The following PSMA2 variants were observed in gnomAD, a reference collection of about 807,000 sequenced individuals.
PSMA2 encodes proteasome subunit alpha type-2.
PSMA2 carries 2 observed loss-of-function variants against 35.9 expected under a neutral mutation model. The ratio of observed to expected loss-of-function variants is 0.06; its 90% CI spans 0.02 to 0.18. The LOEUF (loss-of-function observed/expected upper bound fraction) is 0.18, where lower values mean the gene tolerates loss of function less well. Ranked by LOEUF, PSMA2 falls within the 10% of genes least tolerant of loss-of-function variation. The pLI is 1.00. For synonymous variants in PSMA2, 97 were observed against 98.2 expected, an observed-to-expected ratio of 0.99 and a Z score of 0.07; for missense variants, 126 against 278.8, an observed-to-expected ratio of 0.45 and a Z score of 3.90.
At position 42,917,534 on chromosome 7, in the gene PSMA2, T is replaced by C. The variant is rs757460843; in HGVS notation, c.*40A>G. On this transcript the variant is annotated 3_prime_UTR_variant, in exon 8 of 8. Transcript: ENST00000223321. ...CATACTTTAAACATGTTTAAGTAGA[T>C]AGATTATCTGAAATTCTGGATTTTT... The C allele has an allele frequency of 1.5e-5, 21 of 1,447,374 alleles. No individual in the cohort carries two copies. Among genetic ancestry groups the C allele is most frequent in the African/African-American group, 1.1e-4 (8 of 71,414 alleles). The allele number at this position is 1,447,374 out of a possible 1,614,324, so 89.7% of individuals were successfully genotyped here.
At position 42,931,875 on chromosome 7, in the gene PSMA2, T is replaced by C. The variant is rs539665932; in HGVS notation, c.41+243A>G. 1.4e-4 allele frequency among the ~76,000 whole-genome samples: 20 copies of C among 143,012 alleles called. No individual in the cohort carries two copies. The South Asian group carries it at 4.8e-3, about 34-fold the overall frequency. The allele number at this position is 143,012 out of a possible 152,430, so 93.8% of individuals were successfully genotyped here. A position where few individuals can be genotyped will look rare whatever the true frequency, so the allele number is the denominator to read the frequency against. ...GAATCCTTGGCTATGTGCCTCACCG[T>C]CCCGCAGCCCCATGTTAACCCCGCA... On this transcript the variant is annotated intron_variant, in intron 1 of 7. Coordinates refer to ENST00000223321, the MANE Select transcript of PSMA2 (RefSeq NM_002787.5).
rs544008957 is a variant in PSMA2, at chr7:42,931,959, G to C, written c.41+159C>G. ...GACCAAGGAAGCTCCAGGAATCCCG[G>C]GTCGGCCTGGCAAATGACTTTGCAA... On this transcript the variant is annotated intron_variant, in intron 1 of 7. Transcript: ENST00000223321. Among the ~76,000 whole-genome samples, 14 of 152,222 alleles carry C rather than the reference G, an allele frequency of 9.2e-5. No individual in the cohort carries two copies. In the East Asian group the frequency reaches 2.5e-3, roughly 27 times the overall value.
intron 1 of PSMA2, among the ~76,000 whole-genome samples, chr7:42,927,694 TC>T (rs1303030409): frequency 6.6e-6 from 1 of 152,008 alleles, no homozygotes; most frequent in Non-Finnish European, 1.5e-5. Flanking sequence ...TCACCTGAGG[TC>T]AGGAGTTCGA....
At chr7:42,928,179 G>A (rs986199161) in intron 1 of PSMA2, among the ~76,000 whole-genome samples, 1 of 152,152 alleles carries the variant, frequency 6.6e-6, no homozygotes, top group African/African-American at 2.4e-5. Flanking sequence ...ATTTGTGGGG[G>A]TACTGAAATC....
intron 4 of PSMA2, 48 bp from the exon 5 acceptor site, chr7:42,923,454 GT>G: frequency 6.9e-7 from 1 of 1,445,944 alleles, no homozygotes. Flanking sequence ...TGGTGTTAAA[GT>G]CATCCTCAAG....
At position 42,932,102 on chromosome 7, in the gene PSMA2, A is replaced by C; in HGVS notation, c.41+16T>G. The stretch of plus-strand genomic sequence containing the variant: ...AACCTCGACTACGCTGAAGACCTCG[A>C]GGGCCCCTTCCATACCTGAATGTAG... On this transcript the variant is annotated intron_variant, in intron 1 of 7. Transcript: ENST00000223321. 1 of 1,614,128 alleles carries C rather than the reference A, an allele frequency of 6.2e-7. No individual in the cohort carries two copies. Among genetic ancestry groups the C allele is most frequent in the South Asian group, 1.1e-5 (1 of 91,078 alleles).
chr7:42,920,023 G>C, intron 6 of PSMA2: 8 of 692,656 alleles, frequency 1.2e-5, no homozygotes, highest in South Asian at 9.9e-5. Flanking sequence ...GACAAGAGAA[G>C]AGCTAGAAGA....
chr7:42,924,773 T>C lies in PSMA2; in HGVS notation c.276A>G (p.Lys92=), dbSNP rs112816021. ...ACACAAGATAGTATTGTTGAGCTAGTTTTCGAGCTCTGTGCACAAGCACTC... is the reference window on the plus strand; with the variant it reads ...ACACAAGATAGTATTGTTGAGCTAGCTTTCGAGCTCTGTGCACAAGCACTC... ...DYRVLVHRAR[K]LAQQYYLVYQ... The change falls in exon 4 of 8, where the codon AAA becomes AAG. Residue 92 remains lysine, a synonymous_variant. Transcript: ENST00000223321. 16 of 1,612,356 alleles carry C rather than the reference T, an allele frequency of 9.9e-6. No individual in the cohort carries two copies. The African/African-American group carries it at 1.1e-4, about 11-fold the overall frequency.
At chr7:42,929,602 T>C (rs1017736599) in intron 1 of PSMA2, among the ~76,000 whole-genome samples, 1 of 151,786 alleles carries the variant, frequency 6.6e-6, no homozygotes, top group African/African-American at 2.4e-5. Flanking sequence ...GAAATAGCCT[T>C]CTAACTGGTT....
At position 42,917,696 on chromosome 7, in the gene PSMA2, G is replaced by T; in HGVS notation, c.589-6C>A. The T allele has an allele frequency of 6.2e-7, 1 of 1,612,798 alleles. No homozygotes were observed. Among genetic ancestry groups the T allele is most frequent in the Non-Finnish European group, 8.5e-7 (1 of 1,179,136 alleles). On this transcript the variant is annotated splice_region_variant and splice_polypyrimidine_tract_variant and intron_variant, in intron 7 of 7. Coordinates refer to ENST00000223321, the MANE Select transcript of PSMA2 (RefSeq NM_002787.5). ...ATTTGCCCTTCAAAGCTTTCCTATT[G>T]AGGAGGGAGGAAAAAAGGTCAATTT...
intron 6 of PSMA2, chr7:42,920,576 A>G (rs949920616): frequency 1.3e-5 from 2 of 152,252 alleles, no homozygotes; most frequent in African/African-American, 4.8e-5. Flanking sequence ...TTAGTTGTCT[A>G]AATAAAATGC....
Position 42,917,487 on chromosome 7 carries a change from G to T in PSMA2, c.*87C>A. 2 of 987,920 alleles carry T rather than the reference G, an allele frequency of 2.0e-6. No homozygotes were observed. Among genetic ancestry groups the T allele is most frequent in the Non-Finnish European group, 3.1e-6 (2 of 638,154 alleles). 61.2% of individuals were successfully genotyped at this position (987,920 alleles called of 1,614,324 possible). A position where few individuals can be genotyped will look rare whatever the true frequency, so the allele number is the denominator to read the frequency against. On this transcript the variant is annotated 3_prime_UTR_variant, in exon 8 of 8. Transcript: ENST00000223321. ...ATTTAAACCATGTAGAAATAAGTAT[G>T]CAAAAAGTCTGCAAAACAAAACATA...
At chr7:42,918,909 C>T (rs997429856) in intron 6 of PSMA2, 9 of 183,242 alleles carry the variant, frequency 4.9e-5, no homozygotes, top group African/African-American at 1.9e-4. Context: ...CTGCAAACTC[C>T]GCCTCCCAGG....
At chr7:42,926,861 T>G (rs1434085937) in intron 2 of PSMA2, among the ~76,000 whole-genome samples, 193 bp from the exon 3 acceptor site, 1 of 152,220 alleles carries the variant, frequency 6.6e-6, no homozygotes, top group Non-Finnish European at 1.5e-5. Context: ...CATTTAGTAC[T>G]ACACAAAAAA....
intron 3 of PSMA2, 124 bp downstream of exon 3, chr7:42,926,412 A>G (rs1434944010): frequency 1.6e-6 from 2 of 1,224,224 alleles, no homozygotes; most frequent in African/African-American, 1.6e-5. Context: ...CTATTGCTAA[A>G]CAAAGCACAC....
intron 5 of PSMA2, among the ~76,000 whole-genome samples, chr7:42,922,174 G>A (rs914700006): frequency 4.6e-5 from 7 of 152,008 alleles, no homozygotes; most frequent in Admixed American, 3.3e-4. Flanking sequence ...TGTAGTAATG[G>A]TTTCTTCAGG....
intron 1 of PSMA2, among the ~76,000 whole-genome samples, chr7:42,930,852 A>G (rs377717548): frequency 9.5e-4 from 145 of 152,156 alleles, no homozygotes; most frequent in African/African-American, 3.4e-3. Flanking sequence ...TTTCTTCATA[A>G]ATAGGAACAG....
In PSMA2 at chr7:42,919,815, T is replaced by C. The variant is rs1204542092; in HGVS notation, c.531-1980A>G. On this transcript the variant is annotated intron_variant, in intron 6 of 7. Transcript: ENST00000223321. ...GTATGATGATAATAGTGGAGAAGAA[T>C]TAGAATCCTACAAAGGACACTCTGG... The C allele has an allele frequency of 1.4e-5, 10 of 705,332 alleles. No individual in the cohort carries two copies. In the Admixed American group the frequency reaches 1.8e-4, roughly 13 times the overall value. The allele number at this position is 705,332 out of a possible 1,614,324, so 43.7% of individuals were successfully genotyped here. A position where few individuals can be genotyped will look rare whatever the true frequency, so the allele number is the denominator to read the frequency against.
rs201602788 is a variant in PSMA2, at chr7:42,922,413, AG to A, written c.457-483del. ...TGAATTAAAAAGAGAGCATCTCATT[AG>A]AAAAAAATACCAAAAGAAACATAAT... On this transcript the variant is annotated intron_variant, in intron 5 of 7. Coordinates refer to ENST00000223321, the MANE Select transcript of PSMA2 (RefSeq NM_002787.5). 4.0e-3 allele frequency among the ~76,000 whole-genome samples: 603 copies of A among 152,306 alleles called. 4 individuals are homozygous for A. Among genetic ancestry groups the A allele is most frequent in the African/African-American group, 0.013 (558 of 41,582 alleles).
Sources: allele counts gnomAD v4.1 joint callset (sites outside exome capture counted in the v4.1 genomes callset), GRCh38; gene constraint gnomAD v4.1.1; transcripts MANE v1.5; gene names NCBI Gene and HGNC (gene_info 2026-07-23, HGNC 2026-07-21).